The following WWOX variants were observed in gnomAD, a reference collection of about 807,000 sequenced individuals.
WWOX encodes WW domain-containing oxidoreductase.
WWOX carries 69 observed loss-of-function variants against 46.2 expected under a neutral mutation model. That is an observed-to-expected ratio of 1.49 (90% confidence interval 1.23 to 1.82). The LOEUF (loss-of-function observed/expected upper bound fraction) is 1.82, where lower values mean the gene tolerates loss of function less well. Among genes scored for constraint, WWOX ranks in the 40% most tolerant of loss-of-function variants. The pLI, the probability that WWOX is intolerant of heterozygous loss-of-function variation, is 0.00. For synonymous variants in WWOX, 359 were observed against 202.6 expected, an observed-to-expected ratio of 1.77 and a Z score of -6.56; for missense variants, 919 against 542.6, an observed-to-expected ratio of 1.69 and a Z score of -6.89.
chr16:78,987,939 C>T (rs986691439), intron 8 of WWOX, among the ~76,000 whole-genome samples: 3 of 152,024 alleles, frequency 2.0e-5, no homozygotes, highest in Non-Finnish European at 4.4e-5. Context: ...CATGGTAGTC[C>T]CAGTGGGAAA....
intron 5 of WWOX, among the ~76,000 whole-genome samples, chr16:78,209,351 A>T (rs2036487168): frequency 6.6e-6 from 1 of 152,222 alleles, no homozygotes; most frequent in Non-Finnish European, 1.5e-5. Flanking sequence ...CGGGAGAGAG[A>T]GCCCTGTTCC....
intron 8 of WWOX, among the ~76,000 whole-genome samples, chr16:79,194,839 G>A (rs993565664): frequency 2.0e-5 from 3 of 152,094 alleles, no homozygotes; most frequent in Non-Finnish European, 4.4e-5. Flanking sequence ...ACGCCTAACT[G>A]AATCTACCAC....
At chr16:78,916,318 A>T (rs114709015) in intron 8 of WWOX, among the ~76,000 whole-genome samples, 125 of 152,312 alleles carry the variant, frequency 8.2e-4, no homozygotes, top group African/African-American at 2.8e-3. Context: ...GGTTTCCTTT[A>T]GATAAAACAA....
chr16:78,425,948 C>A (rs757091548), intron 7 of WWOX, among the ~76,000 whole-genome samples: 2 of 152,064 alleles, frequency 1.3e-5, no homozygotes, highest in African/African-American at 2.4e-5. Context: ...AATCATACTT[C>A]CATAAAATGT....
chr16:78,232,079 A>G (rs1025150508), intron 5 of WWOX, among the ~76,000 whole-genome samples: 4 of 152,166 alleles, frequency 2.6e-5, no homozygotes, highest in African/African-American at 9.7e-5. Flanking sequence ...TTAAACAGAG[A>G]ATATATATAA....
intron 8 of WWOX, among the ~76,000 whole-genome samples, chr16:78,560,012 A>C (rs2044396523): frequency 6.6e-6 from 1 of 152,214 alleles, no homozygotes; most frequent in African/African-American, 2.4e-5. Context: ...GCTTCAGAGA[A>C]ATTAGTGACA....
intron 8 of WWOX, among the ~76,000 whole-genome samples, chr16:78,557,348 C>G (rs920126195): frequency 2.6e-5 from 4 of 152,282 alleles, no homozygotes; most frequent in Non-Finnish European, 5.9e-5. Context: ...TATTATTTCT[C>G]CGCCCCCCGC....
chr16:78,373,709 T>G (rs1471319183), intron 5 of WWOX, among the ~76,000 whole-genome samples: 1 of 152,186 alleles, frequency 6.6e-6, no homozygotes, highest in African/African-American at 2.4e-5. Context: ...TTTTGATGAC[T>G]GATAAATTTG....
chr16:79,053,479 T>G (rs1291706378), intron 8 of WWOX, among the ~76,000 whole-genome samples: 1 of 152,224 alleles, frequency 6.6e-6, no homozygotes, highest in East Asian at 1.9e-4. Flanking sequence ...ATTAGGTTTA[T>G]AATTTGCACA....
chr16:78,105,167 A>G (rs2032060685), intron 1 of WWOX, among the ~76,000 whole-genome samples: 1 of 152,220 alleles, frequency 6.6e-6, no homozygotes. Context: ...GCCCCGCAAC[A>G]AAGAATGATG....
At chr16:78,714,275 C>G (rs13337336) in intron 8 of WWOX, among the ~76,000 whole-genome samples, 1,546 of 152,190 alleles carry the variant, frequency 0.01, 29 homozygotes, top group African/African-American at 0.035. Context: ...TTGCACATGG[C>G]TGGGGAGGCC....
chr16:79,072,592 T>G (rs888027749), intron 8 of WWOX, among the ~76,000 whole-genome samples: 2 of 152,210 alleles, frequency 1.3e-5, no homozygotes, highest in African/African-American at 4.8e-5. Context: ...ATTAAGCGCT[T>G]TACAAGATAT....
chr16:78,168,847 C>G (rs538650512), intron 5 of WWOX, among the ~76,000 whole-genome samples: 1 of 152,198 alleles, frequency 6.6e-6, no homozygotes, highest in East Asian at 1.9e-4. Flanking sequence ...TATTAAGAAC[C>G]TATATGTAAT....
At chr16:78,993,578 G>T (rs11150129) in intron 8 of WWOX, among the ~76,000 whole-genome samples, 1 of 152,190 alleles carries the variant, frequency 6.6e-6, no homozygotes, top group African/African-American at 2.4e-5. Context: ...TACGGAGCCC[G>T]GAACAGGGAT....
At chr16:78,412,335 C>T (rs944187091) in intron 6 of WWOX, among the ~76,000 whole-genome samples, 4 of 152,012 alleles carry the variant, frequency 2.6e-5, no homozygotes, top group African/African-American at 4.8e-5. Context: ...GGCATGTTGA[C>T]CCTGAATTTG....
At chr16:79,084,205 G>A (rs2048813501) in intron 8 of WWOX, among the ~76,000 whole-genome samples, 1 of 152,148 alleles carries the variant, frequency 6.6e-6, no homozygotes. Context: ...AGAAAGATGT[G>A]CATATTTGCA....
rs576673887 is a variant in WWOX, at chr16:78,385,030, A to G, written c.517-1830A>G. Reference sequence around the variant, plus strand: ...GCACCTGTAGTCCCAGCTAGTCGGGAGGCTGAGGCAGGAGAATCGCTTGAG... The same window carrying G: ...GCACCTGTAGTCCCAGCTAGTCGGGGGGCTGAGGCAGGAGAATCGCTTGAG... On this transcript the variant is annotated intron_variant, in intron 5 of 8. Transcript: ENST00000566780. Among the ~76,000 whole-genome samples, 506 of 152,134 alleles carry G rather than the reference A, an allele frequency of 3.3e-3. 8 individuals are homozygous for G. In the East Asian group the frequency reaches 0.037, roughly 11 times the overall value.
chr16:79,135,525 A>T (rs1298927426), intron 8 of WWOX, among the ~76,000 whole-genome samples: 1 of 152,240 alleles, frequency 6.6e-6, no homozygotes, highest in African/African-American at 2.4e-5. Flanking sequence ...TTTGCATATT[A>T]TAAGTTGCAT....
intron 8 of WWOX, among the ~76,000 whole-genome samples, chr16:78,472,009 C>T (rs2667552): frequency 0.32 from 49,223 of 151,958 alleles, 10,475 homozygotes; most frequent in African/African-American, 0.61. Flanking sequence ...CTTTATTCAG[C>T]GAAGACATTC....
Sources: gnomAD v4.1 joint callset for allele counts (sites outside exome capture counted in the v4.1 genomes callset) on GRCh38, gnomAD v4.1.1 for gene constraint, MANE v1.5 for transcripts, NCBI Gene and HGNC (gene_info 2026-07-23, HGNC 2026-07-21) for gene names.